EOGT: variants seen among roughly 807,000 people sequenced by gnomAD.
The protein encoded by EOGT is EGF domain specific O-linked N-acetylglucosamine transferase, also known as EGF domain-specific O-linked N-acetylglucosamine transferase.
Under a neutral mutation model 70.5 loss-of-function variants are expected in EOGT, and 55 were observed. The ratio of observed to expected loss-of-function variants is 0.78; its 90% CI spans 0.63 to 0.98. EOGT has a LOEUF of 0.98. Ranked by LOEUF, EOGT falls within the 50% of genes least tolerant of loss-of-function variation. The pLI, the probability that EOGT is intolerant of heterozygous loss-of-function variation, is 0.00. For synonymous variants in EOGT, 246 were observed against 217.1 expected (o/e 1.13, Z -1.17); for missense variants, 703 against 641.9 (o/e 1.10, Z -1.03).
chr3:68,997,360 T>C lies in EOGT; in HGVS notation c.831+651A>G, dbSNP rs145417155. ...TCCAACATAGGTTACAGAGGTTGAG[T>C]GAATGACAGCCTTTTTTTTTTTTTT... On this transcript the variant is annotated intron_variant, in intron 10 of 17. Transcript: ENST00000383701. Among the ~76,000 whole-genome samples, 57 of 150,336 alleles carry C rather than the reference T, an allele frequency of 3.8e-4. No individual in the cohort carries two copies. In the East Asian group the frequency reaches 0.011, roughly 28 times the overall value.
chr3:68,986,258 A>C (rs1386049457), intron 14 of EOGT, among the ~76,000 whole-genome samples: 1 of 152,174 alleles, frequency 6.6e-6, no homozygotes, highest in Admixed American at 6.5e-5. Flanking sequence ...CCTTAATTCC[A>C]TCTGCAACCT....
intron 5 of EOGT, 38 bp downstream of exon 5, chr3:69,008,390 A>G (rs753237998): frequency 7.1e-7 from 1 of 1,407,948 alleles, no homozygotes; most frequent in Non-Finnish European, 1.0e-6. Flanking sequence ...GTATAGAAAG[A>G]GGAAGACTTG....
chr3:68,989,513 C>T lies in EOGT; in HGVS notation c.832-496G>A, dbSNP rs555983535. 1.3e-3 allele frequency among the ~76,000 whole-genome samples: 201 copies of T among 151,770 alleles called. 1 individual carries two copies. The highest frequency in any genetic ancestry group is 4.1e-3 in the African/African-American group (168 of 41,408). ...CTGTAATCCCAGCACTTTGGGAGGC[C>T]GAGGCGGGCAGATCACCTGAGGTCA... is the stretch of plus-strand genomic sequence containing the variant. On this transcript the variant is annotated intron_variant, in intron 10 of 17. Transcript: ENST00000383701.
At chr3:68,993,277 A>G (rs1181079725) in intron 10 of EOGT, among the ~76,000 whole-genome samples, 3 of 152,116 alleles carry the variant, frequency 2.0e-5, no homozygotes, top group Admixed American at 6.5e-5. Context: ...CAGCACCCAA[A>G]TCACCTTTTG....
At chr3:69,011,715 C>T (rs945942703) in intron 3 of EOGT, among the ~76,000 whole-genome samples, 1 of 152,036 alleles carries the variant, frequency 6.6e-6, no homozygotes, top group Non-Finnish European at 1.5e-5. Context: ...AAAAAGGAAT[C>T]CTTTTTCCCC....
At chr3:68,990,207 G>A (rs2090950897) in intron 10 of EOGT, among the ~76,000 whole-genome samples, 1 of 152,134 alleles carries the variant, frequency 6.6e-6, no homozygotes, top group Non-Finnish European at 1.5e-5. Flanking sequence ...TGAGGAAACT[G>A]AGACACAATT....
chr3:68,982,719 C>A lies in EOGT; in HGVS notation c.1214+92G>T, dbSNP rs2090684664. The A allele has an allele frequency of 3.6e-6, 3 of 836,104 alleles. No individual in the cohort carries two copies. In the South Asian group the frequency reaches 5.9e-5, roughly 16 times the overall value. The allele number at this position is 836,104 out of a possible 1,614,324, so 51.8% of individuals were successfully genotyped here. ...CTTGTCCCTTCTGGGCCTACAAATG[C>A]CAATGGCTCCCACTGGAAAAATGCT... is the stretch of plus-strand genomic sequence containing the variant. On this transcript the variant is annotated intron_variant, in intron 15 of 17. Transcript: ENST00000383701.
chr3:68,979,719 G>C lies in EOGT; in HGVS notation c.1283C>G (p.Ala428Gly). The change falls in exon 16 of 18, where the codon GCT (alanine) becomes GGT (glycine). Residue 428 changes from alanine to glycine, a missense_variant. Coordinates refer to ENST00000383701, the MANE Select transcript of EOGT (RefSeq NM_001278689.2). ...AAGGAAAAGTAAATGGGTCAGACCAGCTCCATGCATTCCAATAAATATGTC... is the reference window on the plus strand; with the variant it reads ...AAGGAAAAGTAAATGGGTCAGACCACCTCCATGCATTCCAATAAATATGTC... Reference protein sequence around the residue: ...NTDIFIGMHGAGLTHLLFLPD... With the variant: ...NTDIFIGMHGGGLTHLLFLPD... 6.2e-7 allele frequency: 1 copy of C among 1,613,838 alleles called. No homozygotes were observed. Among genetic ancestry groups the C allele is most frequent in the Non-Finnish European group, 8.5e-7 (1 of 1,179,800 alleles).
rs756247607 is a variant in EOGT at position 68,978,413 on chromosome 3, A to G, written c.1357T>C (p.Cys453Arg). 1.2e-6 allele frequency: 2 copies of G among 1,611,274 alleles called. No homozygotes were observed. The highest frequency in any genetic ancestry group is 8.5e-7 in the Non-Finnish European group (1 of 1,179,152). Residue 453 changes from cysteine to arginine, a missense_variant, in exon 17 of 18, where the codon TGT becomes CGT. Cys to Arg is a radical substitution (Grantham distance 180, BLOSUM62 -3). Transcript: ENST00000383701. ...CTCAGCCTGGCCAAGTCTAAGTAACAGCGTTCATCTTCACAGTTGTACCTA... is the reference window on the plus strand; with the variant it reads ...CTCAGCCTGGCCAAGTCTAAGTAACGGCGTTCATCTTCACAGTTGTACCTA... ...FELYNCEDER[C>R]YLDLARLRGV...
At chr3:69,000,631 T>C (rs192663834) in intron 9 of EOGT, among the ~76,000 whole-genome samples, 1 of 152,266 alleles carries the variant, frequency 6.6e-6, no homozygotes, top group Admixed American at 6.5e-5. Flanking sequence ...CTCTCTATAT[T>C]TCACTGTAAA....
At chr3:68,997,093 T>C (rs1014430444) in intron 10 of EOGT, among the ~76,000 whole-genome samples, 5 of 151,870 alleles carry the variant, frequency 3.3e-5, no homozygotes, top group Non-Finnish European at 7.4e-5. Flanking sequence ...GGGCCAGATA[T>C]GGGAAGAAGC....
chr3:68,996,388 G>T (rs558066436), intron 10 of EOGT, among the ~76,000 whole-genome samples: 1 of 152,108 alleles, frequency 6.6e-6, no homozygotes, highest in Non-Finnish European at 1.5e-5. Flanking sequence ...TAGCTAAGTC[G>T]GCTCTCTGCA....
Position 69,007,792 on chromosome 3 carries a change from A to T in EOGT, c.341T>A (p.Ile114Lys). 6.2e-7 allele frequency: 1 copy of T among 1,612,780 alleles called. No individual in the cohort carries two copies. Among genetic ancestry groups the T allele is most frequent in the Non-Finnish European group, 8.5e-7 (1 of 1,179,116 alleles). ...WTDTLESAEDIFWKQADFGYA... is the reference protein window; with the variant it reads ...WTDTLESAEDKFWKQADFGYA... ...TCCAAAGTCAGCTTGTTTCCAAAAT[A>T]TGTCCTCAGCTGACTCAAGAGTGTC... The change falls in exon 6 of 18, where the codon ATA becomes AAA. Residue 114 changes from isoleucine to lysine, a missense_variant. By Grantham distance (102) the Ile-to-Lys change is moderately radical (BLOSUM62 -3). Transcript: ENST00000383701.
At chr3:68,987,957 C>T in intron 13 of EOGT, 1 of 350,794 alleles carries the variant, frequency 2.9e-6, no homozygotes, top group Non-Finnish European at 5.2e-6. Context: ...CTCTGTCGCC[C>T]AGGCGGGAGT....
At chr3:69,011,398 G>A (rs1399810814) in intron 3 of EOGT, among the ~76,000 whole-genome samples, 1 of 151,424 alleles carries the variant, frequency 6.6e-6, no homozygotes, top group Non-Finnish European at 1.5e-5. Flanking sequence ...GGCCAAGACT[G>A]GCAGATTGCT....
At chr3:68,978,510 A>C (rs1347490606) in intron 16 of EOGT, 75 bp from the exon 17 acceptor site, 3 of 958,410 alleles carry the variant, frequency 3.1e-6, no homozygotes, top group Non-Finnish European at 4.8e-6. Flanking sequence ...TGCGAAAATA[A>C]AATGCAGCTC....
At chr3:69,002,791 A>G (rs1257259724) in intron 8 of EOGT, among the ~76,000 whole-genome samples, 1 of 152,030 alleles carries the variant, frequency 6.6e-6, no homozygotes, top group Non-Finnish European at 1.5e-5. Flanking sequence ...AGTAGCTAGG[A>G]TTACAGGGGC....
intron 10 of EOGT, among the ~76,000 whole-genome samples, chr3:68,995,378 C>G (rs559947932): frequency 6.6e-6 from 1 of 152,148 alleles, no homozygotes; most frequent in Non-Finnish European, 1.5e-5. Context: ...TTTGACCAAG[C>G]GTCCGGGTTT....
chr3:68,993,799 G>C (rs1004990274), intron 10 of EOGT, among the ~76,000 whole-genome samples: 1 of 152,164 alleles, frequency 6.6e-6, no homozygotes, highest in Non-Finnish European at 1.5e-5. Flanking sequence ...GGGAGGTAAA[G>C]GCACTTCTTA....
Sources: allele counts gnomAD v4.1 joint callset (sites outside exome capture counted in the v4.1 genomes callset), GRCh38; gene constraint gnomAD v4.1.1; transcripts MANE v1.5; gene names NCBI Gene and HGNC (gene_info 2026-07-23, HGNC 2026-07-21).